The following SAMHD1 variants were observed in gnomAD, a reference collection of about 807,000 sequenced individuals.
SAMHD1 encodes the protein SAM and HD domain containing deoxynucleoside triphosphate triphosphohydrolase 1, also known as deoxynucleoside triphosphate triphosphohydrolase SAMHD1.
SAMHD1 carries 54 observed loss-of-function variants against 79.6 expected under a neutral mutation model. The observed-to-expected ratio is 0.68, with a 90% CI of 0.55 to 0.85. The LOEUF is 0.85. SAMHD1 is among the 40% of genes least tolerant of loss of function. The probability of loss-of-function intolerance (pLI) is 0.00; values close to 1 mark genes in which losing one functional copy is unlikely to be tolerated. For synonymous variants in SAMHD1, 260 were observed against 264.1 expected, an observed-to-expected ratio of 0.98 and a Z score of 0.15; for missense variants, 663 against 782.7, an observed-to-expected ratio of 0.85 and a Z score of 1.82.
At chr20:36,914,055 T>C (rs1568768168) in intron 9 of SAMHD1, among the ~76,000 whole-genome samples, 1 of 152,066 alleles carries the variant, frequency 6.6e-6, no homozygotes, top group Non-Finnish European at 1.5e-5. Context: ...CGCCTAGCCC[T>C]TCTTGACTTT....
intron 9 of SAMHD1, 92 bp downstream of exon 9, chr20:36,916,630 A>T (rs1290138557): frequency 5.5e-6 from 5 of 906,484 alleles, no homozygotes; most frequent in Non-Finnish European, 9.3e-6. Context: ...GAGACTGACG[A>T]TTTACCAATT....
At chr20:36,893,293 TG>T in intron 15 of SAMHD1, 2 of 588,382 alleles carry the variant, frequency 3.4e-6, no homozygotes, top group Non-Finnish European at 6.0e-6. Flanking sequence ...CACTGGCCTC[TG>T]CAGAGATGAC....
chr20:36,894,866 G>A (rs563956542), intron 15 of SAMHD1, among the ~76,000 whole-genome samples: 2 of 151,898 alleles, frequency 1.3e-5, no homozygotes, highest in African/African-American at 4.8e-5. Flanking sequence ...TTTCTACCCA[G>A]CTTGCTTTCT....
intron 10 of SAMHD1, chr20:36,911,841 AAAGTT>A (rs2063442528): frequency 5.7e-6 from 1 of 175,526 alleles, no homozygotes; most frequent in African/African-American, 2.4e-5. Flanking sequence ...ACGAACATGA[AAAGTT>A]AATCAATTTA....
rs529053576 is a variant in SAMHD1 at position 36,910,680 on chromosome 20, A to G, written c.1270+538T>C. Among the ~76,000 whole-genome samples, 3 of 151,476 alleles carry G rather than the reference A, an allele frequency of 2.0e-5. No homozygotes were observed. The East Asian group carries it at 5.8e-4, about 29-fold the overall frequency. On this transcript the variant is annotated intron_variant, in intron 11 of 15. Transcript: ENST00000646673. The stretch of plus-strand genomic sequence containing the variant: ...AAGAGGTGGAGGTTGCAGTGAGCCA[A>G]GATTGTGCCAGTGCACTCCAGCCTA...
intron 3 of SAMHD1, chr20:36,940,120 T>C (rs1162429223): frequency 6.7e-6 from 1 of 149,048 alleles, no homozygotes; most frequent in East Asian, 2.0e-4. Context: ...GGCAGGAGAA[T>C]CACTTGATCC....
intron 7 of SAMHD1, among the ~76,000 whole-genome samples, chr20:36,918,801 C>CAAAAAAAAAAAAAAAAAAAAAA (rs60403097): frequency 1.5e-5 from 1 of 65,462 alleles, no homozygotes; most frequent in Non-Finnish European, 2.7e-5. Flanking sequence ...GACTCTATCT[C>CAAAAAAAAAAAAAAAAAAAAAA]AAAAAAAAAA....
intron 4 of SAMHD1, among the ~76,000 whole-genome samples, chr20:36,932,513 T>A (rs1372342161): frequency 1.4e-5 from 2 of 140,036 alleles, no homozygotes; most frequent in South Asian, 2.7e-4. Context: ...TGGAGTGCAC[T>A]GGCCTGATCT....
At chr20:36,905,298 G>A in intron 12 of SAMHD1, 66 bp downstream of exon 12, 3 of 1,518,476 alleles carry the variant, frequency 2.0e-6, no homozygotes, top group Non-Finnish European at 2.7e-6. Context: ...ATCACGATAG[G>A]TTAGTGGTCT....
intron 3 of SAMHD1, among the ~76,000 whole-genome samples, chr20:36,935,834 G>A (rs1253226099): frequency 6.6e-6 from 1 of 152,022 alleles, no homozygotes; most frequent in Non-Finnish European, 1.5e-5. Flanking sequence ...GCCTCCCAAA[G>A]TGTTGGGATT....
intron 5 of SAMHD1, among the ~76,000 whole-genome samples, chr20:36,928,003 C>CA (rs2063546624): frequency 6.6e-6 from 1 of 152,146 alleles, no homozygotes; most frequent in African/African-American, 2.4e-5. Flanking sequence ...GATAAATGGA[C>CA]AATTCTGTGT....
At chr20:36,929,747 T>C (rs1409593141) in intron 5 of SAMHD1, among the ~76,000 whole-genome samples, 1 of 152,064 alleles carries the variant, frequency 6.6e-6, no homozygotes, top group Non-Finnish European at 1.5e-5. Context: ...GTCCCCTTTC[T>C]CTTTGTCACA....
rs1288935516 is a variant in SAMHD1 at position 36,944,311 on chromosome 20, T to C, written c.275+2427A>G. Among the ~76,000 whole-genome samples the C allele has an allele frequency of 4.7e-5, 7 of 147,992 alleles. No homozygotes were observed. In the East Asian group the frequency reaches 1.4e-3, roughly 29 times the overall value. On this transcript the variant is annotated intron_variant, in intron 2 of 15. Coordinates refer to ENST00000646673, the MANE Select transcript of SAMHD1 (RefSeq NM_015474.4). Reference sequence around the variant, plus strand: ...TCCAGCCTGGGCAACAGAGTGAGACTTCGTCTCAAAAAAAAAAAAAAAAAG... The same window carrying C: ...TCCAGCCTGGGCAACAGAGTGAGACCTCGTCTCAAAAAAAAAAAAAAAAAG...
At chr20:36,902,938 C>T (rs896392037) in intron 13 of SAMHD1, among the ~76,000 whole-genome samples, 1 of 151,798 alleles carries the variant, frequency 6.6e-6, no homozygotes, top group Admixed American at 6.6e-5. Context: ...GGGGTTTCGC[C>T]GTGTTGGGCA....
intron 2 of SAMHD1, among the ~76,000 whole-genome samples, chr20:36,944,616 C>T (rs948059356): frequency 2.6e-5 from 4 of 152,148 alleles, no homozygotes; most frequent in Non-Finnish European, 2.9e-5. Flanking sequence ...TATTTAAGGC[C>T]GGTCGCAGTG....
chr20:36,922,866 C>G (rs1047286017), intron 6 of SAMHD1, among the ~76,000 whole-genome samples: 1 of 151,762 alleles, frequency 6.6e-6, no homozygotes, highest in Admixed American at 6.6e-5. Context: ...CCAGGCTGGT[C>G]TTGAACTCCT....
At chr20:36,910,358 G>A (rs1568766096) in intron 11 of SAMHD1, among the ~76,000 whole-genome samples, 1 of 151,888 alleles carries the variant, frequency 6.6e-6, no homozygotes, top group East Asian at 1.9e-4. Flanking sequence ...AGCTGTGATG[G>A]CACCACTGCA....
chr20:36,927,301 C>G, intron 5 of SAMHD1, 49 bp from the exon 6 acceptor site: 2 of 1,106,892 alleles, frequency 1.8e-6, no homozygotes, highest in Non-Finnish European at 2.7e-6. Context: ...TGTAAACCAA[C>G]AAAAACTTTT....
chr20:36,930,937 C>T (rs2063564699), intron 4 of SAMHD1, 62 bp from the exon 5 acceptor site: 1 of 1,104,906 alleles, frequency 9.1e-7, no homozygotes, highest in East Asian at 2.4e-5. Flanking sequence ...AGTTCTGGTC[C>T]TCAAGAACTT....
Sources: allele counts gnomAD v4.1 joint callset (sites outside exome capture counted in the v4.1 genomes callset), GRCh38; gene constraint gnomAD v4.1.1; transcripts MANE v1.5; gene names NCBI Gene and HGNC (gene_info 2026-07-23, HGNC 2026-07-21).